LOC128462377: variants seen among roughly 807,000 people sequenced by gnomAD.
the LOC128462377 span, chr16:89,340,054 T>C: frequency 3.3e-5 from 5 of 152,356 alleles, no homozygotes; most frequent in East Asian, 7.7e-4. Context: ...CATTCTCCTG[T>C]TGACTAACAT....
At chr16:89,324,626 G>C in the LOC128462377 span, 1 of 412,298 alleles carries the variant, frequency 2.4e-6, no homozygotes, top group Non-Finnish European at 4.9e-6. Flanking sequence ...GGAAGCACTG[G>C]ACTGGCTGAG....
At chr16:89,368,098 C>T in the LOC128462377 span, among the ~76,000 whole-genome samples, 2 of 152,232 alleles carry the variant, frequency 1.3e-5, no homozygotes, top group Non-Finnish European at 2.9e-5. Context: ...TAGTCCTGTT[C>T]ACAGTGCTCA....
At chr16:89,380,162 G>C in the LOC128462377 span, among the ~76,000 whole-genome samples, 3 of 152,100 alleles carry the variant, frequency 2.0e-5, no homozygotes, top group Non-Finnish European at 4.4e-5. Context: ...ACCCAGGCTG[G>C]AGAGCGATGG....
chr16:89,379,670 G>A, the LOC128462377 span, among the ~76,000 whole-genome samples: 1 of 152,202 alleles, frequency 6.6e-6, no homozygotes, highest in Non-Finnish European at 1.5e-5. Context: ...CCAGGTGACT[G>A]GGACGCGAGC....
At chr16:89,328,498 C>T in the LOC128462377 span, among the ~76,000 whole-genome samples, 1 of 152,236 alleles carries the variant, frequency 6.6e-6, no homozygotes, top group Non-Finnish European at 1.5e-5. Flanking sequence ...ACGGCATCCC[C>T]TCAGCAGTAA....
At chr16:89,373,829 T>C in the LOC128462377 span, among the ~76,000 whole-genome samples, 1 of 152,184 alleles carries the variant, frequency 6.6e-6, no homozygotes, top group Non-Finnish European at 1.5e-5. Context: ...ACAAGATTGG[T>C]AGAACCTTAT....
chr16:89,388,628 GC>G, the LOC128462377 span, among the ~76,000 whole-genome samples: 11 of 152,292 alleles, frequency 7.2e-5, no homozygotes, highest in South Asian at 2.3e-3. Context: ...AGAAGATGGG[GC>G]TGAAGGAGGC....
the LOC128462377 span, among the ~76,000 whole-genome samples, chr16:89,401,018 C>T: frequency 1.3e-5 from 2 of 152,214 alleles, no homozygotes; most frequent in African/African-American, 4.8e-5. Flanking sequence ...GGAGGCCCCG[C>T]GTGTGGGTGG....
At chr16:89,344,273 G>A in the LOC128462377 span, among the ~76,000 whole-genome samples, 3 of 152,160 alleles carry the variant, frequency 2.0e-5, no homozygotes, top group South Asian at 6.2e-4. Flanking sequence ...ATTTTATTTG[G>A]AGCCTCTAAC....
the LOC128462377 span, among the ~76,000 whole-genome samples, chr16:89,325,662 G>A: frequency 1.3e-5 from 2 of 152,246 alleles, no homozygotes; most frequent in Non-Finnish European, 2.9e-5. Context: ...GGTTCTAAGT[G>A]AAGGCTGCGG....
chr16:89,324,869 C>T, the LOC128462377 span: 1 of 264,542 alleles, frequency 3.8e-6, no homozygotes, highest in Admixed American at 5.2e-5. Flanking sequence ...GGGACTTCAC[C>T]TCATGACTGT....
chr16:89,332,427 G>A, the LOC128462377 span, among the ~76,000 whole-genome samples: 6 of 152,144 alleles, frequency 3.9e-5, no homozygotes, highest in African/African-American at 1.2e-4. Flanking sequence ...AGCTCCACAC[G>A]TCCCTCCACA....
chr16:89,407,688 GAC>G, the LOC128462377 span, among the ~76,000 whole-genome samples: 3 of 150,408 alleles, frequency 2.0e-5, no homozygotes, highest in Non-Finnish European at 3.0e-5. Context: ...CACACACATA[GAC>G]ACACACAGAA....
At chr16:89,368,371 GTTTTTTTTTTTTTTTTTT>G in the LOC128462377 span, among the ~76,000 whole-genome samples, 12 of 56,596 alleles carry the variant, frequency 2.1e-4, no homozygotes, top group Non-Finnish European at 4.1e-4. Flanking sequence ...TAATTTTTGT[GTTTTTTTTTTTTTTTTTT>G]TTTTTTTTTT....
chr16:89,369,520 G>T, the LOC128462377 span, among the ~76,000 whole-genome samples: 1 of 152,234 alleles, frequency 6.6e-6, no homozygotes, highest in Non-Finnish European at 1.5e-5. Flanking sequence ...CCCACAGATT[G>T]TCCTTCACAT....
chr16:89,412,375 C>T, the LOC128462377 span: 1 of 151,724 alleles, frequency 6.6e-6, no homozygotes, highest in Non-Finnish European at 1.5e-5. Flanking sequence ...GTCTCCTGGC[C>T]GTGCCCCATC....
chr16:89,322,712 A>G, the LOC128462377 span, among the ~76,000 whole-genome samples: 2 of 152,146 alleles, frequency 1.3e-5, no homozygotes, highest in Admixed American at 6.6e-5. Flanking sequence ...AGGAGCTGGA[A>G]GCAGCAGTCC....
chr16:89,353,853 C>A, the LOC128462377 span, among the ~76,000 whole-genome samples: 3 of 152,220 alleles, frequency 2.0e-5, no homozygotes, highest in African/African-American at 7.2e-5. Context: ...CACATCAGCC[C>A]TGAGACACCC....
chr16:89,324,224 T>G, the LOC128462377 span: 1 of 1,197,606 alleles, frequency 8.3e-7, no homozygotes, highest in South Asian at 1.5e-5. Flanking sequence ...TGGCCTCTGC[T>G]TTGCCCCTCA....
Sources: allele counts gnomAD v4.1 joint callset (sites outside exome capture counted in the v4.1 genomes callset), GRCh38; gene constraint gnomAD v4.1.1; transcripts MANE v1.5.